PRKD3: variants seen among roughly 807,000 people sequenced by gnomAD.
The protein encoded by PRKD3 is serine/threonine-protein kinase D3.
In PRKD3, 47 loss-of-function variants were observed where a neutral mutation model predicts 99.2. The observed-to-expected ratio is 0.47, with a 90% CI of 0.38 to 0.60. The LOEUF (loss-of-function observed/expected upper bound fraction) is 0.60, where lower values mean the gene tolerates loss of function less well. PRKD3 is among the 20% of genes least tolerant of loss of function. The pLI, the probability that PRKD3 is intolerant of heterozygous loss-of-function variation, is 0.00. For missense variants in PRKD3, 1,019 were observed against 1,088.4 expected (o/e 0.94, Z 0.90); for synonymous variants, 392 against 355.4 (o/e 1.10, Z -1.16).
intron 2 of PRKD3, among the ~76,000 whole-genome samples, chr2:37,314,708 T>G (rs2124899304): frequency 6.6e-6 from 1 of 152,264 alleles, no homozygotes; most frequent in Non-Finnish European, 1.5e-5. Context: ...ACACTGGTTA[T>G]GAGTTTCTAT....
In PRKD3 at chr2:37,278,226, A is replaced by C. The variant is rs115059503; in HGVS notation, c.1173-237T>G. The C allele has an allele frequency of 3.4e-3, 788 of 229,350 alleles. 6 individuals are homozygous for C. The highest frequency in any genetic ancestry group is 0.018 in the African/African-American group (728 of 39,524). The allele number at this position is 229,350 out of a possible 1,614,324, so 14.2% of individuals were successfully genotyped here. On this transcript the variant is annotated intron_variant, in intron 8 of 18. Transcript: ENST00000234179. ...CATGAATGTTTTCTGGAGGGCCACA[A>C]AAAAAAAAATTAAAAACAATGAGCG...
At chr2:37,323,339 A>G (rs1671963063) in intron 1 of PRKD3, among the ~76,000 whole-genome samples, 1 of 151,864 alleles carries the variant, frequency 6.6e-6, no homozygotes, top group African/African-American at 2.4e-5. Context: ...ATACTAAATT[A>G]TAGAACCGAG....
intron 17 of PRKD3, 44 bp from the exon 18 acceptor site, chr2:37,254,333 G>A: frequency 6.8e-7 from 1 of 1,479,144 alleles, no homozygotes; most frequent in Non-Finnish European, 9.5e-7. Flanking sequence ...TGGGTGCACA[G>A]AGTACCCCAA....
In PRKD3 at chr2:37,267,492, C is replaced by T. The variant is rs768477903; in HGVS notation, c.1822G>A (p.Asp608Asn). Residue 608 changes from aspartate (D) to asparagine (N), a missense_variant, in exon 14 of 19, where the codon GAT becomes AAT. By Grantham distance (23) the Asp-to-Asn change is conservative. This residue lies in a region of PRKD3 where 184 missense variants were observed against 275.1 expected (regional missense o/e 0.67). Coordinates refer to ENST00000234179, the MANE Select transcript of PRKD3 (RefSeq NM_005813.6). ...TGTTTTGTGGGGAATCTCATCTTAT[C>T]AATTACTTTAATAGCCACATCCCTC... ...TGRDVAIKVI[D>N]KMRFPTKQES... 1.1e-5 allele frequency: 17 copies of T among 1,611,378 alleles called. No individual in the cohort carries two copies. In the African/African-American group the frequency reaches 2.0e-4, roughly 19 times the overall value.
At chr2:37,269,444 G>C in intron 13 of PRKD3, 171 bp downstream of exon 13, 1 of 607,914 alleles carries the variant, frequency 1.6e-6, no homozygotes, top group South Asian at 2.0e-5. Context: ...TGACATTAAG[G>C]GAAGAATACT....
In PRKD3 at chr2:37,251,352, C is replaced by T. The variant is rs1667476060; in HGVS notation, c.*1825G>A. The T allele has an allele frequency of 6.6e-6, 1 of 152,504 alleles. No individual in the cohort carries two copies. Among genetic ancestry groups the T allele is most frequent in the African/African-American group, 2.4e-5 (1 of 41,412 alleles). 9.4% of individuals were successfully genotyped at this position (152,504 alleles called of 1,614,324 possible). Reference sequence around the variant, plus strand: ...TAAGGGTAAGATTAGAGCCATACTACTGGTCTCAAATACTACTAACTGTTT... The same window carrying T: ...TAAGGGTAAGATTAGAGCCATACTATTGGTCTCAAATACTACTAACTGTTT... On this transcript the variant is annotated 3_prime_UTR_variant, in exon 19 of 19. Coordinates refer to ENST00000234179, the MANE Select transcript of PRKD3 (RefSeq NM_005813.6).
chr2:37,265,201 AGAT>A (rs1181398042), intron 14 of PRKD3, among the ~76,000 whole-genome samples: 2 of 152,140 alleles, frequency 1.3e-5, no homozygotes, highest in African/African-American at 4.8e-5. Context: ...GGAAAAGGAA[AGAT>A]GATACAGTTG....
chr2:37,285,900 T>C (rs1304602319), intron 6 of PRKD3, among the ~76,000 whole-genome samples: 1 of 152,196 alleles, frequency 6.6e-6, no homozygotes, highest in Non-Finnish European at 1.5e-5. Flanking sequence ...ACTACTAGTA[T>C]ATTAACAAAA....
At chr2:37,275,872 A>T (rs778779831) in intron 9 of PRKD3, 28 bp from the exon 10 acceptor site, 2 of 1,591,482 alleles carry the variant, frequency 1.3e-6, no homozygotes, top group South Asian at 2.3e-5. Context: ...GAAAACTGTG[A>T]GGTTCAAAAA....
At chr2:37,292,525 T>A (rs1219579420) in intron 3 of PRKD3, among the ~76,000 whole-genome samples, 2 of 152,040 alleles carry the variant, frequency 1.3e-5, no homozygotes, top group Non-Finnish European at 2.9e-5. Context: ...TTTTTGTATT[T>A]TTAGTACAGA....
intron 14 of PRKD3, among the ~76,000 whole-genome samples, chr2:37,263,866 T>C (rs926280651): frequency 6.6e-6 from 1 of 152,210 alleles, no homozygotes; most frequent in Non-Finnish European, 1.5e-5. Context: ...TCACTTCTGT[T>C]AATCATTTTT....
intron 2 of PRKD3, among the ~76,000 whole-genome samples, chr2:37,309,289 G>C (rs1446508305): frequency 6.6e-6 from 1 of 152,022 alleles, no homozygotes; most frequent in African/African-American, 2.4e-5. Flanking sequence ...TGTACCTCTT[G>C]TGACATCAAA....
At chr2:37,271,699 G>A (rs1195516677) in intron 12 of PRKD3, among the ~76,000 whole-genome samples, 3 of 152,184 alleles carry the variant, frequency 2.0e-5, no homozygotes, top group Non-Finnish European at 2.9e-5. Context: ...TCTAGGTTGT[G>A]TGTTCCTTAT....
intron 17 of PRKD3, among the ~76,000 whole-genome samples, chr2:37,255,422 G>A (rs777464462): frequency 6.6e-6 from 1 of 152,206 alleles, no homozygotes; most frequent in African/African-American, 2.4e-5. Flanking sequence ...TTTAAGTAGT[G>A]TACTTGTCCT....
At chr2:37,291,801 G>A (rs1376358844) in intron 3 of PRKD3, among the ~76,000 whole-genome samples, 1 of 152,168 alleles carries the variant, frequency 6.6e-6, no homozygotes, top group African/African-American at 2.4e-5. Flanking sequence ...TTGAGAAAAG[G>A]GAACTTGGTA....
At chr2:37,257,666 C>CAAAAAAAAAAAAAAAAA (rs1491483662) in intron 16 of PRKD3, among the ~76,000 whole-genome samples, 1 of 62,402 alleles carries the variant, frequency 1.6e-5, no homozygotes, top group Admixed American at 1.8e-4. Flanking sequence ...GACTCTGTCT[C>CAAAAAAAAAAAAAAAAA]AAAAGAAAAA....
At chr2:37,267,301 C>T in intron 14 of PRKD3, 129 bp downstream of exon 14, 1 of 537,720 alleles carries the variant, frequency 1.9e-6, no homozygotes, top group Non-Finnish European at 3.2e-6. Context: ...AAGATATTGG[C>T]AGTCCCTATA....
At chr2:37,285,542 A>C (rs993211090) in intron 6 of PRKD3, among the ~76,000 whole-genome samples, 1 of 152,222 alleles carries the variant, frequency 6.6e-6, no homozygotes, top group Non-Finnish European at 1.5e-5. Flanking sequence ...AAAAAAACCC[A>C]AAACTCTTGC....
chr2:37,304,080 A>C (rs1448808112), intron 2 of PRKD3, among the ~76,000 whole-genome samples: 1 of 152,128 alleles, frequency 6.6e-6, no homozygotes, highest in Non-Finnish European at 1.5e-5. Context: ...ATAAATCTTC[A>C]CAAGTCTTTT....
Sources: gnomAD v4.1 joint callset for allele counts (sites outside exome capture counted in the v4.1 genomes callset) on GRCh38, gnomAD v4.1.1 for gene constraint, gnomAD v4.1.1 regional missense constraint, MANE v1.5 for transcripts, NCBI Gene and HGNC (gene_info 2026-07-23, HGNC 2026-07-21) for gene names.